DMTN: variants seen among roughly 807,000 people sequenced by gnomAD.
DMTN encodes dematin actin binding protein.
A neutral mutation model predicts 59.4 loss-of-function variants in DMTN; 27 were observed. The observed-to-expected ratio is 0.45, with a 90% CI of 0.33 to 0.63. The LOEUF is 0.63. Among genes scored for constraint, DMTN ranks in the 20% least tolerant of loss-of-function variants. The pLI is 0.02. For synonymous variants in DMTN, 221 were observed against 203.7 expected, an observed-to-expected ratio of 1.08 and a Z score of -0.72; for missense variants, 451 against 528.9, an observed-to-expected ratio of 0.85 and a Z score of 1.45.
intron 1 of DMTN, among the ~76,000 whole-genome samples, chr8:22,057,615 C>T (rs1239032101): frequency 1.3e-5 from 2 of 152,158 alleles, no homozygotes; most frequent in Non-Finnish European, 2.9e-5. Flanking sequence ...AGCCTGCCCC[C>T]AGCCAGTGGC....
At chr8:22,075,220 A>C (rs73545584) in intron 10 of DMTN, among the ~76,000 whole-genome samples, 21,289 of 150,526 alleles carry the variant, frequency 0.14, 1,718 homozygotes, top group African/African-American at 0.21. Flanking sequence ...CTAAGAGGAA[A>C]CCACATAGTG....
At chr8:22,079,221 G>C (rs2131509771) in intron 10 of DMTN, among the ~76,000 whole-genome samples, 1 of 143,516 alleles carries the variant, frequency 7.0e-6, no homozygotes, top group South Asian at 2.2e-4. Flanking sequence ...ACCAGCCTGG[G>C]TACCATAGTG....
upstream of DMTN, among the ~76,000 whole-genome samples, chr8:22,054,464 G>T (rs556789211): frequency 6.6e-6 from 1 of 152,222 alleles, no homozygotes; most frequent in South Asian, 2.1e-4. Context: ...CCGCAGCCGC[G>T]TGCCCAGTGC....
chr8:22,064,681 G>A (rs562846728), intron 1 of DMTN, among the ~76,000 whole-genome samples: 43 of 152,298 alleles, frequency 2.8e-4, no homozygotes, highest in East Asian at 1.7e-3. Context: ...GATGGTCTCA[G>A]TCTCCTGACC....
At position 22,074,566 on chromosome 8, in the gene DMTN, C is replaced by T. The variant is rs117554724; in HGVS notation, c.835+731C>T. Among the ~76,000 whole-genome samples the T allele has an allele frequency of 7.0e-3, 1,060 of 152,294 alleles. 7 individuals carry two copies. Among genetic ancestry groups the T allele is most frequent in the Non-Finnish European group, 0.011 (762 of 68,022 alleles). Reference sequence around the variant, plus strand: ...TTGGGATTATAGGTGTGAATCACCGCGTCCAGCTTAAACTGAGTCTTGAAG... The same window carrying T: ...TTGGGATTATAGGTGTGAATCACCGTGTCCAGCTTAAACTGAGTCTTGAAG... On this transcript the variant is annotated intron_variant, in intron 10 of 15. Coordinates refer to ENST00000358242, the MANE Select transcript of DMTN (RefSeq NM_001387751.1).
chr8:22,066,800 G>C lies in DMTN; in HGVS notation c.-76G>C, dbSNP rs1810984406. On this transcript the variant is annotated 5_prime_UTR_variant, in exon 2 of 16. Coordinates refer to ENST00000358242, the MANE Select transcript of DMTN (RefSeq NM_001387751.1). ...CAAGCGCGCAGCGCCCAGCAGCCGC[G>C]CCGAGCCTGACACGCTGTCCTCTCC... 1 of 1,403,882 alleles carries C rather than the reference G, an allele frequency of 7.1e-7. No individual in the cohort carries two copies. Among genetic ancestry groups the C allele is most frequent in the East Asian group, 3.1e-5 (1 of 31,878 alleles). 87.0% of individuals were successfully genotyped at this position (1,403,882 alleles called of 1,614,324 possible). A position where few individuals can be genotyped will look rare whatever the true frequency, so the allele number is the denominator to read the frequency against.
At chr8:22,078,798 GTTT>G (rs1224977627) in intron 10 of DMTN, among the ~76,000 whole-genome samples, 1 of 85,092 alleles carries the variant, frequency 1.2e-5, no homozygotes, top group Non-Finnish European at 2.1e-5. Flanking sequence ...ATGTCAGACT[GTTT>G]TTTTTTTTTT....
chr8:22,068,606 CAA>C (rs770430054), intron 4 of DMTN, among the ~76,000 whole-genome samples: 1 of 147,224 alleles, frequency 6.8e-6, no homozygotes, highest in Non-Finnish European at 1.5e-5. Context: ...GAATAAGAGA[CAA>C]GAGAGAAGAA....
intron 6 of DMTN, 123 bp downstream of exon 6, chr8:22,069,641 A>G: frequency 1.1e-6 from 1 of 929,368 alleles, no homozygotes; most frequent in Middle Eastern, 2.2e-4. Context: ...AGTAGGCCCC[A>G]GGAGGCCAGG....
chr8:22,050,796 G>A (rs754419730), upstream of DMTN, among the ~76,000 whole-genome samples: 13 of 150,990 alleles, frequency 8.6e-5, no homozygotes, highest in Non-Finnish European at 1.3e-4. Flanking sequence ...TCCCTGGCTG[G>A]TCTCTGACTG....
upstream of DMTN, chr8:22,055,366 G>C (rs914066714): frequency 2.0e-5 from 3 of 152,386 alleles, no homozygotes; most frequent in Admixed American, 6.5e-5. Context: ...TGGAGGGACC[G>C]AGAGAGATCA....
In DMTN at chr8:22,068,877, C is replaced by T. The variant is rs1191115354; in HGVS notation, c.250-139C>T. The T allele has an allele frequency of 3.0e-6, 3 of 984,064 alleles. No homozygotes were observed. In the East Asian group the frequency reaches 7.3e-5, roughly 24 times the overall value. The allele number at this position is 984,064 out of a possible 1,614,324, so 61.0% of individuals were successfully genotyped here. ...TTGTGCAGGGAACTGTGGGAAGGAT[C>T]CAAGAAAGCAGAGGTGGCCCAGAAG... is the stretch of plus-strand genomic sequence containing the variant. On this transcript the variant is annotated intron_variant, in intron 4 of 15. Coordinates refer to ENST00000358242, the MANE Select transcript of DMTN (RefSeq NM_001387751.1).
upstream of DMTN, among the ~76,000 whole-genome samples, chr8:22,055,927 G>C (rs1300324947): frequency 6.6e-6 from 1 of 152,202 alleles, no homozygotes; most frequent in Non-Finnish European, 1.5e-5. Context: ...GGGCAGGGTT[G>C]CCAGGGCAAC....
At chr8:22,067,260 T>A in intron 3 of DMTN, 101 bp downstream of exon 3, 2 of 1,341,030 alleles carry the variant, frequency 1.5e-6, no homozygotes, top group Non-Finnish European at 2.1e-6. Flanking sequence ...TCCCCAGTGG[T>A]GGTCCCTCCG....
rs955047940 is a variant in DMTN, at chr8:22,060,658, C to T, written c.-172+3522C>T. On this transcript the variant is annotated intron_variant, in intron 1 of 15. Coordinates refer to ENST00000358242, the MANE Select transcript of DMTN (RefSeq NM_001387751.1). This position sits in a 1 kb window ranked among gnomAD's most constrained non-coding sequence, Gnocchi z 5.0. ...CTCTCTAACAAATGGCAGGGGGTGGCACCAGGGTGCAGGGCCCTGGCTGAC... is the reference window on the plus strand; with the variant it reads ...CTCTCTAACAAATGGCAGGGGGTGGTACCAGGGTGCAGGGCCCTGGCTGAC... Among the ~76,000 whole-genome samples, 4 of 152,378 alleles carry T rather than the reference C, an allele frequency of 2.6e-5. No homozygotes were observed. Among genetic ancestry groups the T allele is most frequent in the African/African-American group, 7.2e-5 (3 of 41,596 alleles).
chr8:22,080,703 G>C, intron 13 of DMTN, 78 bp downstream of exon 13: 2 of 1,582,496 alleles, frequency 1.3e-6, no homozygotes, highest in South Asian at 1.1e-5. Context: ...GGGAAGGGGG[G>C]TGTGGGGCCA....
chr8:22,071,206 C>A lies in DMTN; in HGVS notation c.604+872C>A, dbSNP rs543453170. ...CCACATCCCGAGTTCAAGCATTTCT[C>A]CTGCCTCAGCCTCCTGAGTAGCTGG... On this transcript the variant is annotated intron_variant, in intron 8 of 15. Coordinates refer to ENST00000358242, the MANE Select transcript of DMTN (RefSeq NM_001387751.1). Among the ~76,000 whole-genome samples the A allele has an allele frequency of 3.3e-5, 5 of 152,330 alleles. No homozygotes were observed. In the East Asian group the frequency reaches 9.6e-4, roughly 29 times the overall value.
chr8:22,059,104 A>C (rs925165633), intron 1 of DMTN: 2 of 151,812 alleles, frequency 1.3e-5, no homozygotes, highest in African/African-American at 4.8e-5. Flanking sequence ...TCTGGCATTG[A>C]ATTGTTGCCA....
At chr8:22,063,923 C>T (rs1808427323) in intron 1 of DMTN, among the ~76,000 whole-genome samples, 1 of 152,248 alleles carries the variant, frequency 6.6e-6, no homozygotes, top group Non-Finnish European at 1.5e-5. Flanking sequence ...TCTTTCTGTT[C>T]TCCATAAGAC....
Sources: gnomAD v4.1 joint callset for allele counts (sites outside exome capture counted in the v4.1 genomes callset) on GRCh38, gnomAD v4.1.1 for gene constraint, Gnocchi (gnomAD v3.1) non-coding constraint, MANE v1.5 for transcripts, NCBI Gene and HGNC (gene_info 2026-07-23, HGNC 2026-07-21) for gene names.